Variants in RRM2 observed in about 807,000 individuals in gnomAD.
RRM2 encodes ribonucleotide reductase regulatory subunit M2, also known as ribonucleoside-diphosphate reductase subunit M2.
Under a neutral mutation model 45.9 loss-of-function variants are expected in RRM2, and 6 were observed. That is an observed-to-expected ratio of 0.13 (90% CI 0.07 to 0.26). The LOEUF (loss-of-function observed/expected upper bound fraction) is 0.26, where lower values mean the gene tolerates loss of function less well. Among genes scored for constraint, RRM2 ranks in the 10% least tolerant of loss-of-function variants. RRM2 has a pLI of 1.00. For synonymous variants in RRM2, 177 were observed against 173.0 expected, an observed-to-expected ratio of 1.02 and a Z score of -0.18; for missense variants, 343 against 489.5, an observed-to-expected ratio of 0.70 and a Z score of 2.82.
chr2:10,197,513 G>T (rs1664441752), intron 3 of RRM2, among the ~76,000 whole-genome samples: 1 of 152,090 alleles, frequency 6.6e-6, no homozygotes, highest in South Asian at 2.1e-4. Context: ...GGCCTGGGGG[G>T]CATTGAGCAA....
At chr2:10,140,237 ACT>A (rs1435487740), upstream of RRM2, among the ~76,000 whole-genome samples, 5 of 151,946 alleles carry the variant, frequency 3.3e-5, no homozygotes, top group Non-Finnish European at 5.9e-5. Flanking sequence ...ACAGAGCAAG[ACT>A]CTGTCTCTAA....
chr2:10,127,471 A>G lies in RRM2; in HGVS notation c.798+251A>G. 5.3e-6 allele frequency: 2 copies of G among 376,362 alleles called. No individual in the cohort carries two copies. Among genetic ancestry groups the G allele is most frequent in the Non-Finnish European group, 9.6e-6 (2 of 208,870 alleles). 23.3% of individuals were successfully genotyped at this position (376,362 alleles called of 1,614,324 possible). A position where few individuals can be genotyped will look rare whatever the true frequency, so the allele number is the denominator to read the frequency against. On this transcript the variant is annotated intron_variant, in intron 7 of 9. Transcript: ENST00000304567. This position sits in a 1 kb window ranked among gnomAD's most constrained non-coding sequence, Gnocchi z 4.1. The stretch of plus-strand genomic sequence containing the variant: ...CTATAGGCTTTGAATGCATAAAACT[A>G]CAAGTTCTTTGTTTTTTGAGGTGAC...
upstream of RRM2, among the ~76,000 whole-genome samples, chr2:10,140,698 G>A (rs146731051): frequency 4.6e-5 from 7 of 152,316 alleles, no homozygotes; most frequent in African/African-American, 9.6e-5. Flanking sequence ...CTGTGCTTAC[G>A]TTGTCATAAA....
upstream of RRM2, among the ~76,000 whole-genome samples, chr2:10,137,076 G>A (rs375606585): frequency 6.6e-5 from 10 of 152,222 alleles, no homozygotes; most frequent in Admixed American, 5.9e-4. Flanking sequence ...ATAGGATAAG[G>A]TTGATTTTCC....
At chr2:10,197,646 G>A (rs952125365) in intron 3 of RRM2, among the ~76,000 whole-genome samples, 1 of 152,196 alleles carries the variant, frequency 6.6e-6, no homozygotes, top group Non-Finnish European at 1.5e-5. Context: ...GTGTTACTGA[G>A]TTACGTGGCC....
chr2:10,138,640 A>G (rs1027012809), upstream of RRM2, among the ~76,000 whole-genome samples: 1 of 152,180 alleles, frequency 6.6e-6, no homozygotes, highest in African/African-American at 2.4e-5. Context: ...TCTTGGAGCC[A>G]GTTCTCACTG....
chr2:10,190,237 T>C (rs1234976678), intron 3 of RRM2, among the ~76,000 whole-genome samples: 2 of 149,882 alleles, frequency 1.3e-5, no homozygotes, highest in African/African-American at 4.9e-5. Flanking sequence ...ATGGTGATGA[T>C]GGTGGTGATG....
chr2:10,193,868 G>A (rs558937991), intron 3 of RRM2, among the ~76,000 whole-genome samples: 5 of 152,296 alleles, frequency 3.3e-5, no homozygotes, highest in South Asian at 2.1e-4. Context: ...CTGTCAAAAC[G>A]ACCAGCAAGA....
In RRM2 at chr2:10,127,133, C is replaced by T. The variant is rs150662887; in HGVS notation, c.711C>T (p.Ser237=). 5.0e-5 allele frequency: 80 copies of T among 1,614,028 alleles called. No individual in the cohort carries two copies. Among genetic ancestry groups the T allele is most frequent in the African/African-American group, 2.9e-4 (22 of 74,912 alleles). Reference sequence around the variant, plus strand: ...CTGCAGTGGAAGGCATTTTCTTTTCCGGTTCTTTTGCGTCGATATTCTGGC... The same window carrying T: ...CTGCAGTGGAAGGCATTTTCTTTTCTGGTTCTTTTGCGTCGATATTCTGGC... ...AFAAVEGIFF[S]GSFASIFWLK... Residue 237 remains serine, a synonymous_variant, in exon 7 of 10, where the codon TCC becomes TCT. Coordinates refer to ENST00000304567, the MANE Select transcript of RRM2 (RefSeq NM_001034.4). This position sits in a 1 kb window ranked among gnomAD's most constrained non-coding sequence, Gnocchi z 4.1.
At chr2:10,138,895 G>A (rs1284017503), upstream of RRM2, among the ~76,000 whole-genome samples, 1 of 152,064 alleles carries the variant, frequency 6.6e-6, no homozygotes, top group African/African-American at 2.4e-5. Flanking sequence ...ATCATTTGAG[G>A]TCAGGAGTTT....
At chr2:10,139,322 C>T (rs1663041180), upstream of RRM2, among the ~76,000 whole-genome samples, 1 of 152,244 alleles carries the variant, frequency 6.6e-6, no homozygotes, top group African/African-American at 2.4e-5. Context: ...GGCAAAGGCA[C>T]TGGCTCATAT....
In RRM2 at chr2:10,184,121, G is replaced by C. The variant is rs369072880; in HGVS notation, n.483-26190G>C. Among the ~76,000 whole-genome samples, 384 of 41,970 alleles carry C rather than the reference G, an allele frequency of 9.1e-3. 2 individuals carry two copies. Among genetic ancestry groups the C allele is most frequent in the Middle Eastern group, 0.074 (5 of 68 alleles). The allele number at this position is 41,970 out of a possible 152,430, so 27.5% of individuals were successfully genotyped here. The stretch of plus-strand genomic sequence containing the variant: ...AAAAAAAAAAAAAAAAAAAAAAAAA[G>C]CAAAAAAGCAGGGCAGCAGGGTTCC... On this transcript the variant is annotated intron_variant and non_coding_transcript_variant, in intron 3 of 3. Transcript: ENST00000381786.
chr2:10,124,561 A>G (rs956875182), intron 4 of RRM2, among the ~76,000 whole-genome samples, 156 bp from the exon 5 acceptor site: 1 of 152,228 alleles, frequency 6.6e-6, no homozygotes, highest in African/African-American at 2.4e-5. Context: ...AGTTGAGCAT[A>G]TGACATAAAA....
At chr2:10,168,866 G>T (rs1340159003) in intron 3 of RRM2, among the ~76,000 whole-genome samples, 1 of 150,038 alleles carries the variant, frequency 6.7e-6, no homozygotes, top group Non-Finnish European at 1.5e-5. Context: ...ACTCCTTCAG[G>T]CAGTGGCTCC....
At chr2:10,184,374 G>A (rs961918704) in intron 3 of RRM2, among the ~76,000 whole-genome samples, 4 of 152,170 alleles carry the variant, frequency 2.6e-5, no homozygotes, top group East Asian at 1.9e-4. Flanking sequence ...AAAAATTTGC[G>A]TAGCCAACTC....
intron 3 of RRM2, chr2:10,198,781 G>A (rs1273980155): frequency 2.6e-5 from 4 of 152,192 alleles, no homozygotes; most frequent in Non-Finnish European, 5.9e-5. Context: ...GTATTTAAGG[G>A]TTTAGGGAGG....
chr2:10,210,450 T>C (rs1256583182), exon 4 of RRM2: 1 of 1,367,848 alleles, frequency 7.3e-7, no homozygotes, highest in Admixed American at 1.9e-5. Context: ...AGCGACCCTG[T>C]TTCAGAATGA....
At chr2:10,141,966 G>A (rs377253228) in intron 2 of RRM2, 55 of 1,572,268 alleles carry the variant, frequency 3.5e-5, no homozygotes, top group Admixed American at 1.5e-4. Flanking sequence ...TAAGTCAGAC[G>A]GTGACAAGCT....
chr2:10,134,477 C>A (rs948164978), downstream of RRM2, among the ~76,000 whole-genome samples: 14 of 152,150 alleles, frequency 9.2e-5, no homozygotes, highest in Admixed American at 8.5e-4. Flanking sequence ...GGGTTTTAAT[C>A]CTTCTGGATT....
Sources: gnomAD v4.1 joint callset for allele counts (sites outside exome capture counted in the v4.1 genomes callset) on GRCh38, gnomAD v4.1.1 for gene constraint, Gnocchi (gnomAD v3.1) non-coding constraint, MANE v1.5 for transcripts, NCBI Gene and HGNC (gene_info 2026-07-23, HGNC 2026-07-21) for gene names.